CERS3: variants seen among roughly 807,000 people sequenced by gnomAD.
CERS3 encodes ceramide synthase 3, also known as LAG1 homolog, ceramide synthase 3.
In CERS3, 33 loss-of-function variants were observed where a neutral mutation model predicts 50.3. The observed-to-expected ratio is 0.66, with a 90% CI of 0.50 to 0.88. The LOEUF (loss-of-function observed/expected upper bound fraction) is 0.88, where lower values mean the gene tolerates loss of function less well. Ranked by LOEUF, CERS3 falls within the 40% of genes least tolerant of loss-of-function variation. The probability of loss-of-function intolerance (pLI) is 0.00; values close to 1 mark genes in which losing one functional copy is unlikely to be tolerated. For missense variants in CERS3, 470 were observed against 460.3 expected (o/e 1.02, Z -0.19); for synonymous variants, 176 against 155.2 (o/e 1.13, Z -0.99).
intron 1 of CERS3, among the ~76,000 whole-genome samples, chr15:100,539,219 A>G (rs1041442400): frequency 1.3e-5 from 2 of 152,206 alleles, no homozygotes; most frequent in Admixed American, 6.5e-5. Context: ...AGTCTCTGAA[A>G]TGTTCCAAAC....
At chr15:100,490,033 G>A (rs2142296094) in intron 4 of CERS3, among the ~76,000 whole-genome samples, 1 of 152,314 alleles carries the variant, frequency 6.6e-6, no homozygotes, top group East Asian at 1.9e-4. Flanking sequence ...GTTAGCATAT[G>A]TACTTGATTT....
rs36083318 is a variant in CERS3 at position 100,453,105 on chromosome 15, C to CAA, written c.999+2786_999+2787dup. On this transcript the variant is annotated intron_variant, in intron 11 of 11. Transcript: ENST00000679737. ...TTACAGCAATTCTCCTTAAACTATT[C>CAA]AAAAAAAAAAATTAAGTGGAGGGAA... 4.6e-3 allele frequency among the ~76,000 whole-genome samples: 686 copies of CAA among 149,206 alleles called. 4 individuals are homozygous for CAA. Among genetic ancestry groups the CAA allele is most frequent in the Non-Finnish European group, 6.2e-3 (420 of 67,272 alleles).
At chr15:100,423,947 T>C (rs535383893) in intron 11 of CERS3, among the ~76,000 whole-genome samples, 41 of 151,566 alleles carry the variant, frequency 2.7e-4, no homozygotes, top group Middle Eastern at 3.4e-3. Context: ...TTCTTTCTTT[T>C]TTTTTTTTTT....
intron 11 of CERS3, among the ~76,000 whole-genome samples, chr15:100,410,599 T>C (rs74038767): frequency 0.011 from 1,644 of 152,256 alleles, 34 homozygotes; most frequent in African/African-American, 0.037. Flanking sequence ...CACTGGAGTG[T>C]CCCTAAAGCG....
rs73475769 is a variant in CERS3 at position 100,526,078 on chromosome 15, A to G, written c.-92+2735T>C. Among the ~76,000 whole-genome samples, 1,299 of 152,336 alleles carry G rather than the reference A, an allele frequency of 8.5e-3. 23 individuals are homozygous for G. The highest frequency in any genetic ancestry group is 0.029 in the African/African-American group (1,221 of 41,576). On this transcript the variant is annotated intron_variant, in intron 1 of 11. Transcript: ENST00000679737. ...TGTTCCCCTCTGCTATCTCTCTGCT[A>G]TGATCTGCAGTTTCTCTGGATTCAA... is the stretch of plus-strand genomic sequence containing the variant.
chr15:100,532,357 C>G (rs538350260), upstream of CERS3, among the ~76,000 whole-genome samples: 1 of 152,154 alleles, frequency 6.6e-6, no homozygotes, highest in Non-Finnish European at 1.5e-5. Context: ...TTAACCTAAC[C>G]GGCAAAATTT....
At chr15:100,405,525 GA>G (rs1174442963) in intron 11 of CERS3, among the ~76,000 whole-genome samples, 1 of 152,172 alleles carries the variant, frequency 6.6e-6, no homozygotes, top group African/African-American at 2.4e-5. Context: ...ACAAACTGTT[GA>G]CATTTATAAG....
At chr15:100,476,219 T>C (rs908595834) in intron 7 of CERS3, 41 bp from the exon 8 acceptor site, 12 of 1,339,788 alleles carry the variant, frequency 9.0e-6, no homozygotes, top group East Asian at 2.6e-5. Flanking sequence ...AATGCCATCA[T>C]AGAAGCAACT....
At chr15:100,482,759 G>C (rs2035351770) in intron 5 of CERS3, among the ~76,000 whole-genome samples, 1 of 152,132 alleles carries the variant, frequency 6.6e-6, no homozygotes, top group African/African-American at 2.4e-5. Flanking sequence ...AGGAATTTTT[G>C]CCTGTTGGAA....
intron 3 of CERS3, among the ~76,000 whole-genome samples, chr15:100,492,301 T>C (rs1020232898): frequency 3.3e-5 from 5 of 152,230 alleles, no homozygotes; most frequent in African/African-American, 7.2e-5. Context: ...AAAGTGAGTA[T>C]TGAAGTTTAC....
chr15:100,415,069 G>A (rs1261742814), intron 11 of CERS3, among the ~76,000 whole-genome samples: 2 of 152,034 alleles, frequency 1.3e-5, no homozygotes, highest in African/African-American at 4.8e-5. Context: ...AACCTACAAT[G>A]AACTTAAACA....
intron 4 of CERS3, among the ~76,000 whole-genome samples, chr15:100,487,417 C>G (rs1302540486): frequency 2.6e-5 from 4 of 152,188 alleles, no homozygotes; most frequent in African/African-American, 9.7e-5. Context: ...TATAATTATG[C>G]TCAATTCACA....
intron 4 of CERS3, among the ~76,000 whole-genome samples, chr15:100,488,024 C>G (rs2035538598): frequency 1.3e-5 from 2 of 152,208 alleles, no homozygotes; most frequent in African/African-American, 4.8e-5. Flanking sequence ...ATCTGTTGGT[C>G]AGAGTTGTTG....
intron 9 of CERS3, among the ~76,000 whole-genome samples, chr15:100,471,974 CAGA>C (rs2034982530): frequency 6.6e-6 from 1 of 152,144 alleles, no homozygotes; most frequent in Non-Finnish European, 1.5e-5. Flanking sequence ...ACAAAAAACA[CAGA>C]AGAATATGTG....
chr15:100,447,983 G>A (rs1015095823), intron 11 of CERS3, among the ~76,000 whole-genome samples: 2 of 152,212 alleles, frequency 1.3e-5, no homozygotes, highest in African/African-American at 4.8e-5. Context: ...TTATTATTTA[G>A]AGAAGATGTT....
At chr15:100,431,753 C>T (rs1343666642) in intron 11 of CERS3, among the ~76,000 whole-genome samples, 6 of 152,240 alleles carry the variant, frequency 3.9e-5, no homozygotes, top group Admixed American at 1.3e-4. Flanking sequence ...TCCAGTGTCT[C>T]GATCTCACCT....
intron 2 of CERS3, among the ~76,000 whole-genome samples, chr15:100,506,399 C>T (rs1246421104): frequency 6.6e-6 from 1 of 151,906 alleles, no homozygotes; most frequent in Non-Finnish European, 1.5e-5. Flanking sequence ...CAGAGAGGCC[C>T]TTCACACCCA....
At chr15:100,532,852 C>T (rs2036971102), upstream of CERS3, among the ~76,000 whole-genome samples, 2 of 152,188 alleles carry the variant, frequency 1.3e-5, no homozygotes, top group African/African-American at 4.8e-5. Flanking sequence ...TGGGAATTCT[C>T]AAGGGACATG....
rs202230368 is a variant in CERS3, at chr15:100,497,338, A to G, written c.173+4339T>C. On this transcript the variant is annotated intron_variant, in intron 3 of 11. Coordinates refer to ENST00000679737, the MANE Select transcript of CERS3 (RefSeq NM_001378789.1). The stretch of plus-strand genomic sequence containing the variant: ...TGTGTGTGTGTGTGTGTGTGTGTGT[A>G]TGTATATATATATATAGAGAGAAAA... Among the ~76,000 whole-genome samples, 23 of 99,304 alleles carry G rather than the reference A, an allele frequency of 2.3e-4. No individual in the cohort carries two copies. In the South Asian group the frequency reaches 2.4e-3, roughly 10 times the overall value. The allele number at this position is 99,304 out of a possible 152,430, so 65.1% of individuals were successfully genotyped here.
Sources: allele counts gnomAD v4.1 joint callset (sites outside exome capture counted in the v4.1 genomes callset), GRCh38; gene constraint gnomAD v4.1.1; transcripts MANE v1.5; gene names NCBI Gene and HGNC (gene_info 2026-07-23, HGNC 2026-07-21).